ASCC3: variants seen among roughly 807,000 people sequenced by gnomAD.
The protein encoded by ASCC3 is activating signal cointegrator 1 complex subunit 3.
ASCC3 carries 158 observed loss-of-function variants against 256.3 expected under a neutral mutation model. That is an observed-to-expected ratio of 0.62 (90% CI 0.54 to 0.70). The LOEUF is 0.70. ASCC3 is among the 30% of genes least tolerant of loss of function. ASCC3 has a pLI of 0.00. For missense variants in ASCC3, 2,259 were observed against 2,626.0 expected (o/e 0.86, Z 3.05); for synonymous variants, 948 against 883.4 (o/e 1.07, Z -1.30).
chr6:100,704,049 A>AC (rs200009149), intron 13 of ASCC3, among the ~76,000 whole-genome samples: 4 of 148,310 alleles, frequency 2.7e-5, no homozygotes, highest in Non-Finnish European at 6.0e-5. Flanking sequence ...ACCAAGAAGT[A>AC]TTTTTTTTTT....
chr6:100,634,549 A>C (rs1774731009), intron 25 of ASCC3, among the ~76,000 whole-genome samples: 1 of 152,214 alleles, frequency 6.6e-6, no homozygotes, highest in Non-Finnish European at 1.5e-5. Context: ...ATAGCAGATA[A>C]ACCCAAATTA....
intron 10 of ASCC3, among the ~76,000 whole-genome samples, chr6:100,753,498 T>C (rs202123282): frequency 4.6e-5 from 1 of 21,820 alleles, no homozygotes; most frequent in East Asian, 0.014. Context: ...ACAGGTGCCC[T>C]TTTTTTTTTT....
intron 3 of ASCC3, among the ~76,000 whole-genome samples, chr6:100,861,239 C>T (rs751513138): frequency 1.3e-5 from 2 of 152,084 alleles, no homozygotes; most frequent in Non-Finnish European, 2.9e-5. Flanking sequence ...ATACAAACCA[C>T]AGGATTCACT....
At chr6:100,744,237 T>A (rs981549674) in intron 10 of ASCC3, among the ~76,000 whole-genome samples, 3 of 152,156 alleles carry the variant, frequency 2.0e-5, no homozygotes, top group African/African-American at 7.2e-5. Context: ...TTAAATTTAT[T>A]TTATTTTATT....
In ASCC3 at chr6:100,865,329, G is replaced by A. The variant is rs142749001; in HGVS notation, c.91-1115C>T. Among the ~76,000 whole-genome samples, 21 of 152,176 alleles carry A rather than the reference G, an allele frequency of 1.4e-4. 1 individual carries two copies. Among genetic ancestry groups the A allele is most frequent in the African/African-American group, 4.6e-4 (19 of 41,526 alleles). On this transcript the variant is annotated intron_variant, in intron 2 of 41. Coordinates refer to ENST00000369162, the MANE Select transcript of ASCC3 (RefSeq NM_006828.4). Reference sequence around the variant, plus strand: ...AGAAAAAAATGTTTAAAAGTTTATAGGAATTAATAAGATGGGATAAGCTTG... The same window carrying A: ...AGAAAAAAATGTTTAAAAGTTTATAAGAATTAATAAGATGGGATAAGCTTG...
intron 39 of ASCC3, 58 bp from the exon 40 acceptor site, chr6:100,512,976 A>G (rs554399503): frequency 1.4e-6 from 2 of 1,465,276 alleles, no homozygotes; most frequent in African/African-American, 2.8e-5. Context: ...TGCAATGATC[A>G]ATTAAGAAAT....
Position 100,650,710 on chromosome 6 carries a change from C to T in ASCC3, c.3080G>A (p.Arg1027Lys). The T allele has an allele frequency of 6.2e-7, 1 of 1,607,778 alleles. No homozygotes were observed. The change falls in exon 20 of 42, where the codon AGA (arginine) becomes AAA (lysine). Residue 1027 changes from arginine to lysine, a missense_variant. Arg to Lys is a conservative substitution (Grantham distance 26). This residue lies in a region of ASCC3 where 1,839 missense variants were observed against 2,206.7 expected (regional missense o/e 0.83). Coordinates refer to ENST00000369162, the MANE Select transcript of ASCC3 (RefSeq NM_006828.4). ...ATCTAACTCCTCTATTTCCTCTTCT[C>T]TGACCTAGAAGAATCAATGTATTTA... ...KAEEFDQIKV[R>K]EEEIEELDTL...
chr6:100,605,828 G>T, intron 32 of ASCC3, 128 bp from the exon 33 acceptor site: 2 of 1,116,500 alleles, frequency 1.8e-6, no homozygotes, highest in Non-Finnish European at 2.6e-6. Context: ...TAATATGTTT[G>T]CTATGTTGAT....
rs750761738 is a variant in ASCC3 at position 100,766,644 on chromosome 6, C to T, written c.1658G>A (p.Arg553His). 2.0e-5 allele frequency: 33 copies of T among 1,613,870 alleles called. No homozygotes were observed. The Admixed American group carries it at 4.0e-4, about 20-fold the overall frequency. Residue 553 changes from arginine to histidine, a missense_variant, in exon 10 of 42, where the codon CGT (arginine) becomes CAT (histidine). Arg to His is a conservative substitution (Grantham distance 29). This residue lies in a region of ASCC3 where 1,839 missense variants were observed against 2,206.7 expected (regional missense o/e 0.83). Coordinates refer to ENST00000369162, the MANE Select transcript of ASCC3 (RefSeq NM_006828.4). ...AAEMTDYFSR[R>H]LEPLGIIVKE... is the part of the protein sequence containing the mutation. Reference sequence around the variant, plus strand: ...CACAATGATGCCTAGTGGCTCTAGACGTCTGCTGAAGTAATCTGTCATTTC... The same window carrying T: ...CACAATGATGCCTAGTGGCTCTAGATGTCTGCTGAAGTAATCTGTCATTTC...
At chr6:100,798,900 T>C in intron 7 of ASCC3, 62 bp from the exon 8 acceptor site, 1 of 1,416,268 alleles carries the variant, frequency 7.1e-7, no homozygotes, top group Non-Finnish European at 9.8e-7. Flanking sequence ...CTCTGGTAAA[T>C]ATTCTTTAGA....
At chr6:100,863,938 A>G in intron 3 of ASCC3, 126 bp downstream of exon 3, 1 of 922,874 alleles carries the variant, frequency 1.1e-6, no homozygotes, top group South Asian at 1.8e-5. Context: ...TGTCTTTCAT[A>G]ATTATGAATA....
chr6:100,696,455 A>G (rs558088489), intron 13 of ASCC3, among the ~76,000 whole-genome samples: 1 of 152,226 alleles, frequency 6.6e-6, no homozygotes, highest in South Asian at 2.1e-4. Flanking sequence ...CTAAAAATGT[A>G]GTCAACAAAT....
At chr6:100,698,422 C>T (rs1211567859) in intron 13 of ASCC3, among the ~76,000 whole-genome samples, 1 of 151,758 alleles carries the variant, frequency 6.6e-6, no homozygotes, top group East Asian at 1.9e-4. Flanking sequence ...TTCAGAAAAA[C>T]AAAAATTTTC....
chr6:100,631,952 C>T (rs1246292377), intron 25 of ASCC3, among the ~76,000 whole-genome samples: 1 of 151,682 alleles, frequency 6.6e-6, no homozygotes, highest in African/African-American at 2.4e-5. Context: ...CAAAAGGATG[C>T]TAAGACATTC....
intron 13 of ASCC3, among the ~76,000 whole-genome samples, chr6:100,683,209 G>A (rs1777391816): frequency 1.3e-5 from 2 of 152,086 alleles, no homozygotes; most frequent in Admixed American, 1.3e-4. Context: ...TTTTCCAGAT[G>A]GGGGTTTTAT....
intron 4 of ASCC3, among the ~76,000 whole-genome samples, chr6:100,813,294 A>G (rs768221461): frequency 1.3e-5 from 2 of 152,026 alleles, no homozygotes; most frequent in Non-Finnish European, 2.9e-5. Context: ...TGTCTCTACT[A>G]AAAATACAAA....
chr6:100,557,286 C>T (rs971562978), intron 36 of ASCC3, among the ~76,000 whole-genome samples: 10 of 152,106 alleles, frequency 6.6e-5, no homozygotes, highest in South Asian at 2.1e-4. Flanking sequence ...TATACAGCTA[C>T]GAATTTCCCT....
intron 36 of ASCC3, among the ~76,000 whole-genome samples, chr6:100,574,143 C>T (rs1472385439): frequency 6.6e-6 from 1 of 152,092 alleles, no homozygotes; most frequent in Non-Finnish European, 1.5e-5. Context: ...TTAAAAAATA[C>T]GGATCTATCT....
intron 21 of ASCC3, 41 bp downstream of exon 21, chr6:100,647,185 G>A: frequency 6.6e-7 from 1 of 1,512,448 alleles, no homozygotes; most frequent in East Asian, 2.3e-5. Flanking sequence ...TATTTTATTT[G>A]CACAAAACAA....
Sources: gnomAD v4.1 joint callset for allele counts (sites outside exome capture counted in the v4.1 genomes callset) on GRCh38, gnomAD v4.1.1 for gene constraint, gnomAD v4.1.1 regional missense constraint, MANE v1.5 for transcripts, NCBI Gene and HGNC (gene_info 2026-07-23, HGNC 2026-07-21) for gene names.